The following CELF2 variants were observed in gnomAD, a reference collection of about 807,000 sequenced individuals.
CELF2 encodes the protein CUGBP Elav-like family member 2, also known as CUG triplet repeat RNA-binding protein 2.
CELF2 carries 8 observed loss-of-function variants against 62.6 expected under a neutral mutation model. That is an observed-to-expected ratio of 0.13 (90% CI 0.07 to 0.23). The LOEUF (loss-of-function observed/expected upper bound fraction) is 0.23. Among genes scored for constraint, CELF2 ranks in the 10% least tolerant of loss-of-function variants. The pLI is 1.00. For missense variants in CELF2, 333 were observed against 671.0 expected, an observed-to-expected ratio of 0.50 and a Z score of 5.56; for synonymous variants, 258 against 250.0, an observed-to-expected ratio of 1.03 and a Z score of -0.30.
upstream of CELF2, among the ~76,000 whole-genome samples, chr10:11,001,171 C>A (rs576626498): frequency 8.9e-4 from 135 of 152,338 alleles, no homozygotes; most frequent in Non-Finnish European, 1.7e-3. Context: ...TCTATGTATT[C>A]TTTCCATCTT....
chr10:10,488,516 T>C, the CELF2 span, among the ~76,000 whole-genome samples: 2 of 152,288 alleles, frequency 1.3e-5, no homozygotes, highest in South Asian at 2.1e-4. Flanking sequence ...CTATAACTTA[T>C]AAGCTACAAA....
At position 10,938,546 on chromosome 10, in the gene CELF2, T is replaced by G. The variant is rs1351227267; in HGVS notation, c.89+18547T>G. On this transcript the variant is annotated intron_variant, in intron 2 of 13. Transcript: ENST00000636488. This position sits in a 1 kb window ranked among gnomAD's most constrained non-coding sequence, Gnocchi z 4.2. ...TGTCAGGCAACTCAAGTTTAGAAGA[T>G]TCTCAACTTGAATTATTTTAGCATT... is the stretch of plus-strand genomic sequence containing the variant. 1.3e-5 allele frequency among the ~76,000 whole-genome samples: 2 copies of G among 152,240 alleles called. No homozygotes were observed. The highest frequency in any genetic ancestry group is 2.9e-5 in the Non-Finnish European group (2 of 68,030).
chr10:11,001,071 C>T (rs377200870), upstream of CELF2, among the ~76,000 whole-genome samples: 88 of 152,298 alleles, frequency 5.8e-4, no homozygotes, highest in African/African-American at 1.6e-3. Context: ...TCAACTTCAC[C>T]GAGCTCCTAC....
Position 11,096,933 on chromosome 10 carries a change from C to T in CELF2, c.75-68553C>T, listed in dbSNP as rs147760469. Among the ~76,000 whole-genome samples, 177 of 152,256 alleles carry T rather than the reference C, an allele frequency of 1.2e-3. 1 individual carries two copies. The highest frequency in any genetic ancestry group is 4.0e-3 in the African/African-American group (167 of 41,544). On this transcript the variant is annotated intron_variant, in intron 1 of 12. Coordinates refer to ENST00000633077, the MANE Select transcript of CELF2 (RefSeq NM_001326342.2). ...GAAGCTTCTTTCTAACCCACTCCTC[C>T]TCCTCCTTTCCTTCCTTCCTTTCTA...
chr10:10,474,388 T>A, the CELF2 span, among the ~76,000 whole-genome samples: 1 of 151,788 alleles, frequency 6.6e-6, no homozygotes, highest in South Asian at 2.1e-4. Context: ...AAAAGAGAAG[T>A]CACCCAATCT....
chr10:10,719,733 G>A, the CELF2 span, among the ~76,000 whole-genome samples: 1 of 152,110 alleles, frequency 6.6e-6, no homozygotes, highest in African/African-American at 2.4e-5. Flanking sequence ...CATCTAATCT[G>A]TAGAGTAGGA....
intron 2 of CELF2, among the ~76,000 whole-genome samples, chr10:11,197,018 A>AAGAGAGAGAGAGAGAG (rs2057808698): frequency 8.0e-5 from 1 of 12,518 alleles, no homozygotes; most frequent in African/African-American, 3.0e-4. Context: ...GAAAGAAAGA[A>AAGAGAGAGAGAGAGAG]AGAAAGAAAA....
At chr10:10,631,014 T>C in the CELF2 span, among the ~76,000 whole-genome samples, 1 of 152,170 alleles carries the variant, frequency 6.6e-6, no homozygotes, top group African/African-American at 2.4e-5. Context: ...TTGCCAATGT[T>C]ATACACCTTA....
At chr10:11,081,421 T>G (rs777747641) in intron 1 of CELF2, among the ~76,000 whole-genome samples, 132 of 152,288 alleles carry the variant, frequency 8.7e-4, no homozygotes, top group Admixed American at 1.6e-3. Flanking sequence ...CCTGGGACAA[T>G]TCAAGTTTGA....
rs556341257 is a variant in CELF2, at chr10:11,306,156, G to A, written c.977-7983G>A. ...AGGTGAGGTGCACTTTGCAGCCTCC[G>A]TCTGGGATCCTCTTGGCTTTGTTCT... On this transcript the variant is annotated intron_variant, in intron 9 of 12. Transcript: ENST00000633077. The surrounding 1 kb of genome is among the most constrained non-coding windows in gnomAD (Gnocchi z 4.4). 4.6e-5 allele frequency among the ~76,000 whole-genome samples: 7 copies of A among 152,176 alleles called. No homozygotes were observed. The highest frequency in any genetic ancestry group is 7.2e-5 in the African/African-American group (3 of 41,542).
the CELF2 span, among the ~76,000 whole-genome samples, chr10:10,786,364 C>T: frequency 7.2e-4 from 109 of 151,600 alleles, 3 homozygotes; most frequent in East Asian, 0.019. Flanking sequence ...TGGGTATTTA[C>T]AAGAGGGAAT....
At chr10:10,828,142 C>A (rs963365064) in intron 1 of CELF2, among the ~76,000 whole-genome samples, 19 of 151,902 alleles carry the variant, frequency 1.3e-4, no homozygotes, top group African/African-American at 4.6e-4. Context: ...GGTGATCCAG[C>A]AATTCTACTT....
chr10:11,037,124 A>G (rs2061082854), intron 1 of CELF2, among the ~76,000 whole-genome samples: 2 of 152,260 alleles, frequency 1.3e-5, no homozygotes, highest in Admixed American at 6.5e-5. Flanking sequence ...AAAGAGGTTT[A>G]ATGGACTCAC....
At chr10:10,932,896 T>C (rs1029714972) in intron 2 of CELF2, among the ~76,000 whole-genome samples, 4 of 152,122 alleles carry the variant, frequency 2.6e-5, no homozygotes, top group Non-Finnish European at 4.4e-5. Flanking sequence ...GCCAACTGGT[T>C]TCACCCAGAT....
chr10:10,745,913 A>G, the CELF2 span, among the ~76,000 whole-genome samples: 6 of 152,248 alleles, frequency 3.9e-5, no homozygotes, highest in Non-Finnish European at 7.3e-5. Context: ...TACCTGCATC[A>G]TGTTGATATT....
the CELF2 span, among the ~76,000 whole-genome samples, chr10:10,524,257 T>C: frequency 6.6e-6 from 1 of 152,112 alleles, no homozygotes; most frequent in Admixed American, 6.6e-5. Flanking sequence ...GAAGTAAATA[T>C]GTTTCTAAGA....
the CELF2 span, among the ~76,000 whole-genome samples, chr10:10,543,254 C>T: frequency 6.6e-6 from 1 of 152,194 alleles, no homozygotes; most frequent in African/African-American, 2.4e-5. Flanking sequence ...CAAAGACTGG[C>T]CAAGGTTACA....
At chr10:10,785,311 G>C in the CELF2 span, among the ~76,000 whole-genome samples, 2 of 152,048 alleles carry the variant, frequency 1.3e-5, no homozygotes, top group South Asian at 4.1e-4. Flanking sequence ...ATGGACATTG[G>C]GATTTTAAAA....
At chr10:10,640,072 T>C in the CELF2 span, among the ~76,000 whole-genome samples, 1 of 152,196 alleles carries the variant, frequency 6.6e-6, no homozygotes, top group African/African-American at 2.4e-5. Flanking sequence ...TCCCAATCCC[T>C]TAATGAATTC....
Sources: gnomAD v4.1 joint callset for allele counts (sites outside exome capture counted in the v4.1 genomes callset) on GRCh38, gnomAD v4.1.1 for gene constraint, Gnocchi (gnomAD v3.1) non-coding constraint, MANE v1.5 for transcripts, NCBI Gene and HGNC (gene_info 2026-07-23, HGNC 2026-07-21) for gene names.